Variants in DYNC2H1 observed in about 807,000 individuals in gnomAD.
DYNC2H1 encodes the protein cytoplasmic dynein 2 heavy chain 1.
In DYNC2H1, 410 loss-of-function variants were observed where a neutral mutation model predicts 570.0. The ratio of observed to expected loss-of-function variants is 0.72; its 90% confidence interval spans 0.66 to 0.78. DYNC2H1 has a LOEUF of 0.78. Among genes scored for constraint, DYNC2H1 ranks in the 30% least tolerant of loss-of-function variants. The pLI, the probability that DYNC2H1 is intolerant of heterozygous loss-of-function variation, is 0.00. For missense variants in DYNC2H1, 4,865 were observed against 5,046.4 expected (o/e 0.96, Z 1.09); for synonymous variants, 1,688 against 1,677.6 (o/e 1.01, Z -0.15).
At chr11:103,258,545 G>T (rs1384855881) in intron 69 of DYNC2H1, among the ~76,000 whole-genome samples, 2 of 151,358 alleles carry the variant, frequency 1.3e-5, no homozygotes, top group Admixed American at 1.3e-4. Flanking sequence ...TAAGACAGGT[G>T]CTTCACTTGC....
chr11:103,204,894 G>A lies in DYNC2H1; in HGVS notation c.8384G>A (p.Ser2795Asn), dbSNP rs1447231646. Reference sequence around the variant, plus strand: ...TCAAACTTCATGATAAACTGTGAGAGTAATCCAGCTTTGCATAAGAAATGC... The same window carrying A: ...TCAAACTTCATGATAAACTGTGAGAATAATCCAGCTTTGCATAAGAAATGC... Reference protein sequence around the residue: ...ANSNFMINCESNPALHKKCQV... With the variant: ...ANSNFMINCENNPALHKKCQV... The change falls in exon 52 of 89, where the codon AGT becomes AAT. Residue 2795 changes from serine (S) to asparagine (N), a missense_variant. Ser to Asn is a conservative substitution (Grantham distance 46, BLOSUM62 1). This residue lies in a region of DYNC2H1 where 2,401 missense variants were observed against 2,454.6 expected (regional missense o/e 0.98). Coordinates refer to ENST00000375735, the MANE Select transcript of DYNC2H1 (RefSeq NM_001377.3). This position sits in a 1 kb window ranked among gnomAD's most constrained non-coding sequence, Gnocchi z 4.1. 2 of 1,593,904 alleles carry A rather than the reference G, an allele frequency of 1.3e-6. No homozygotes were observed. Among genetic ancestry groups the A allele is most frequent in the South Asian group, 1.1e-5 (1 of 88,156 alleles).
intron 20 of DYNC2H1, among the ~76,000 whole-genome samples, chr11:103,148,902 C>G (rs1860381082): frequency 6.6e-6 from 1 of 151,958 alleles, no homozygotes; most frequent in African/African-American, 2.4e-5. Context: ...GTTAAAAATA[C>G]AAAAATTAGC....
chr11:103,115,311 A>G lies in DYNC2H1; in HGVS notation c.621+16A>G, dbSNP rs1280680032. On this transcript the variant is annotated intron_variant, in intron 4 of 88. Coordinates refer to ENST00000375735, the MANE Select transcript of DYNC2H1 (RefSeq NM_001377.3). ...AATTGCAAGAGTATGTGATTCATAAATGGTGATATATTGGGCTTCTTATAA... is the reference window on the plus strand; with the variant it reads ...AATTGCAAGAGTATGTGATTCATAAGTGGTGATATATTGGGCTTCTTATAA... 1 of 1,513,832 alleles carries G rather than the reference A, an allele frequency of 6.6e-7. No individual in the cohort carries two copies. Among genetic ancestry groups the G allele is most frequent in the Admixed American group, 2.0e-5 (1 of 50,214 alleles). The allele number at this position is 1,513,832 out of a possible 1,614,324, so 93.8% of individuals were successfully genotyped here.
chr11:103,113,558 G>C lies in DYNC2H1; in HGVS notation c.217G>C (p.Asp73His), dbSNP rs748838713. ...TTAGATTGAGTTTGGTGACACAAAA[G>C]ATAAAGTGCTGGTGTTTTTCAAGCT... ...SNTIEFGDTK[D>H]KVLVFFKLRP... Residue 73 changes from aspartate to histidine, a missense_variant, in exon 2 of 89, where the codon GAT becomes CAT. Physicochemically the swap from Asp to His is moderately conservative, Grantham distance 81. Around this residue, in one of 5 missense-constraint regions of DYNC2H1, gnomAD observed 1,936 missense variants for 1,962.1 expected, o/e 0.99. Coordinates refer to ENST00000375735, the MANE Select transcript of DYNC2H1 (RefSeq NM_001377.3). The C allele has an allele frequency of 6.4e-7, 1 of 1,567,738 alleles. No homozygotes were observed. Among genetic ancestry groups the C allele is most frequent in the Admixed American group, 1.9e-5 (1 of 51,418 alleles).
intron 75 of DYNC2H1, among the ~76,000 whole-genome samples, chr11:103,298,521 A>G (rs1308286324): frequency 1.3e-5 from 2 of 152,174 alleles, no homozygotes. Context: ...TATTATTTAT[A>G]TATTCAGATG....
rs761469021 is a variant in DYNC2H1 at position 103,236,403 on chromosome 11, G to A, written c.9710-27G>A. The A allele has an allele frequency of 4.4e-5, 55 of 1,264,322 alleles. 3 individuals are homozygous for A. The South Asian group carries it at 6.3e-4, about 15-fold the overall frequency. 78.3% of individuals were successfully genotyped at this position (1,264,322 alleles called of 1,614,324 possible). On this transcript the variant is annotated intron_variant, in intron 62 of 88. Coordinates refer to ENST00000375735, the MANE Select transcript of DYNC2H1 (RefSeq NM_001377.3). ...TCATCAAGTACAAGATCGTTGTGAA[G>A]TATTATCAATATCTTCAACTTTTCA...
At chr11:103,422,712 C>T (rs1943530136) in intron 84 of DYNC2H1, among the ~76,000 whole-genome samples, 2 of 152,114 alleles carry the variant, frequency 1.3e-5, no homozygotes. Flanking sequence ...CCATATATGA[C>T]AAACCCATAG....
At chr11:103,318,997 A>C (rs1938022284) in intron 80 of DYNC2H1, among the ~76,000 whole-genome samples, 1 of 151,980 alleles carries the variant, frequency 6.6e-6, no homozygotes. Context: ...ATAAACTAAT[A>C]CTTTTTTCAG....
chr11:103,463,060 T>C (rs540585657), intron 87 of DYNC2H1, among the ~76,000 whole-genome samples: 1 of 152,298 alleles, frequency 6.6e-6, no homozygotes, highest in East Asian at 1.9e-4. Context: ...CTAACACATA[T>C]AGTACAAACC....
intron 34 of DYNC2H1, among the ~76,000 whole-genome samples, chr11:103,172,340 C>T (rs1473152518): frequency 2.0e-5 from 3 of 152,062 alleles, no homozygotes; most frequent in Non-Finnish European, 4.4e-5. Context: ...ATCCCTTGTG[C>T]TATAGCTTCA....
chr11:103,345,657 A>G (rs972601076), intron 82 of DYNC2H1, among the ~76,000 whole-genome samples: 1 of 152,166 alleles, frequency 6.6e-6, no homozygotes, highest in Non-Finnish European at 1.5e-5. Flanking sequence ...GCTGAAGCAC[A>G]GTGAGGGAGA....
intron 83 of DYNC2H1, among the ~76,000 whole-genome samples, chr11:103,364,585 A>ATTTAAATC (rs911135711): frequency 1.3e-5 from 2 of 148,844 alleles, no homozygotes; most frequent in Admixed American, 6.6e-5. Context: ...TCTGGTTCGT[A>ATTTAAATC]TTTAAATCTT....
chr11:103,294,756 A>G (rs1866752412), intron 75 of DYNC2H1, among the ~76,000 whole-genome samples: 1 of 152,068 alleles, frequency 6.6e-6, no homozygotes, highest in Admixed American at 6.6e-5. Context: ...ACTGATGTTA[A>G]TTCAAGGCCT....
In DYNC2H1 at chr11:103,289,187, T is replaced by A. The variant is rs1281350632; in HGVS notation, c.11095+1582T>A. On this transcript the variant is annotated intron_variant, in intron 75 of 88. Transcript: ENST00000375735. This position sits in a 1 kb window ranked among gnomAD's most constrained non-coding sequence, Gnocchi z 4.2. Reference sequence around the variant, plus strand: ...CAGCACTCCCCACTTCCTAAGCCCCTACTCACCAAATCGTCTTTAAAAACT... The same window carrying A: ...CAGCACTCCCCACTTCCTAAGCCCCAACTCACCAAATCGTCTTTAAAAACT... Among the ~76,000 whole-genome samples the A allele has an allele frequency of 6.6e-6, 1 of 152,150 alleles. No homozygotes were observed. Among genetic ancestry groups the A allele is most frequent in the Admixed American group, 6.5e-5 (1 of 15,276 alleles).
At position 103,241,450 on chromosome 11, in the gene DYNC2H1, T is replaced by G; in HGVS notation, c.9820-2243T>G. The G allele has an allele frequency of 1.5e-6, 2 of 1,353,050 alleles. No individual in the cohort carries two copies. Among genetic ancestry groups the G allele is most frequent in the African/African-American group, 1.5e-5 (1 of 68,954 alleles). The allele number at this position is 1,353,050 out of a possible 1,614,324, so 83.8% of individuals were successfully genotyped here. On this transcript the variant is annotated intron_variant, in intron 63 of 88. Transcript: ENST00000375735. The surrounding 1 kb of genome is among the most constrained non-coding windows in gnomAD (Gnocchi z 5.1). The stretch of plus-strand genomic sequence containing the variant: ...TGACAACAAACTTTTAAGTACCCTT[T>G]GAAAAACTTAAGCATGTTTTCTTTG...
intron 84 of DYNC2H1, among the ~76,000 whole-genome samples, chr11:103,433,865 TA>T (rs1265933544): frequency 2.0e-5 from 3 of 152,130 alleles, no homozygotes; most frequent in Non-Finnish European, 4.4e-5. Context: ...CCGTTCCCTT[TA>T]AAACCAATAT....
chr11:103,174,541 C>A (rs1261273820), intron 36 of DYNC2H1, among the ~76,000 whole-genome samples: 7 of 152,084 alleles, frequency 4.6e-5, no homozygotes, highest in Non-Finnish European at 7.4e-5. Context: ...GATTATTAGA[C>A]CCCACCCCCA....
chr11:103,161,165 C>T, intron 29 of DYNC2H1, 121 bp downstream of exon 29: 1 of 473,426 alleles, frequency 2.1e-6, no homozygotes, highest in Non-Finnish European at 3.7e-6. Context: ...TTAGGAAACT[C>T]AGCTCATATC....
intron 84 of DYNC2H1, among the ~76,000 whole-genome samples, chr11:103,422,242 AG>A (rs1943512282): frequency 2.0e-5 from 3 of 152,310 alleles, no homozygotes; most frequent in South Asian, 4.1e-4. Context: ...ATGGATTCAC[AG>A]CTGAATTCTA....
Sources: gnomAD v4.1 joint callset for allele counts (sites outside exome capture counted in the v4.1 genomes callset) on GRCh38, gnomAD v4.1.1 for gene constraint, gnomAD v4.1.1 regional missense constraint, Gnocchi (gnomAD v3.1) non-coding constraint, MANE v1.5 for transcripts, NCBI Gene and HGNC (gene_info 2026-07-23, HGNC 2026-07-21) for gene names.